SCAF4: variants seen among roughly 807,000 people sequenced by gnomAD.
SCAF4 encodes the protein SR-related CTD associated factor 4, also known as SR-related and CTD-associated factor 4.
In SCAF4, 25 loss-of-function variants were observed where a neutral mutation model predicts 129.8. That is an observed-to-expected ratio of 0.19 (90% CI 0.14 to 0.27). The LOEUF (loss-of-function observed/expected upper bound fraction) is 0.27, where lower values mean the gene tolerates loss of function less well. SCAF4 is among the 10% of genes least tolerant of loss of function. The pLI is 1.00. For synonymous variants in SCAF4, 551 were observed against 497.7 expected, an observed-to-expected ratio of 1.11 and a Z score of -1.43; for missense variants, 1,246 against 1,457.1, an observed-to-expected ratio of 0.86 and a Z score of 2.36.
At position 31,685,392 on chromosome 21, in the gene SCAF4, G is replaced by A; in HGVS notation, c.2296+6C>T. The A allele has an allele frequency of 1.9e-6, 3 of 1,604,542 alleles. No homozygotes were observed. Among genetic ancestry groups the A allele is most frequent in the Non-Finnish European group, 2.6e-6 (3 of 1,174,944 alleles). ...TAAGCAAACACAAAGAAAAAAACAT[G>A]CTTACAGTTTGGGATGCTTATTGGT... is the stretch of plus-strand genomic sequence containing the variant. On this transcript the variant is annotated splice_donor_region_variant and intron_variant, in intron 18 of 19. Coordinates refer to ENST00000286835, the MANE Select transcript of SCAF4 (RefSeq NM_020706.2).
At chr21:31,694,022 T>C (rs1198428069) in intron 11 of SCAF4, among the ~76,000 whole-genome samples, 182 bp downstream of exon 11, 1 of 152,058 alleles carries the variant, frequency 6.6e-6, no homozygotes, top group Admixed American at 6.6e-5. Context: ...GTAAGATGAA[T>C]GATGTAGTTT....
rs773959493 is a variant in SCAF4, at chr21:31,671,820, C to A, written c.3023G>T (p.Arg1008Met). The change falls in exon 20 of 20, where the codon AGG becomes ATG. Residue 1008 changes from arginine (R) to methionine (M), a missense_variant. Arg to Met is a moderately conservative substitution (Grantham distance 91, BLOSUM62 -1). Around this residue, in one of 6 missense-constraint regions of SCAF4, gnomAD observed 339 missense variants for 325.0 expected, o/e 1.04. Coordinates refer to ENST00000286835, the MANE Select transcript of SCAF4 (RefSeq NM_020706.2). ...ERFGRRSFGN[R>M]VENDRERYGN... ...ATACCGTTCCCGGTCATTTTCCACC[C>A]TATTTCCAAAAGATCTTCTTCCAAA... 8 of 1,614,058 alleles carry A rather than the reference C, an allele frequency of 5.0e-6. No homozygotes were observed. The highest frequency in any genetic ancestry group is 6.8e-6 in the Non-Finnish European group (8 of 1,180,018).
chr21:31,707,860 T>C (rs769973300), intron 1 of SCAF4, among the ~76,000 whole-genome samples: 1 of 152,204 alleles, frequency 6.6e-6, no homozygotes, highest in African/African-American at 2.4e-5. Context: ...AGAAAAGGCA[T>C]GGAATGCCAA....
chr21:31,703,816 T>C lies in SCAF4; in HGVS notation c.270A>G (p.Lys90=), dbSNP rs941902117. 2 of 1,596,404 alleles carry C rather than the reference T, an allele frequency of 1.3e-6. No homozygotes were observed. The highest frequency in any genetic ancestry group is 1.7e-5 in the Admixed American group (1 of 59,950). ...AATATTGGAATGTGGCAGTTATGTT[T>C]TTAGAGAATCTTGGCCCAAAAACAT... The part of the protein sequence containing the change: ...DKDVFGPRFS[K]NITATFQYLY... The change falls in exon 4 of 20, where the codon AAA becomes AAG. Residue 90 remains lysine, a synonymous_variant. Coordinates refer to ENST00000286835, the MANE Select transcript of SCAF4 (RefSeq NM_020706.2).
intron 19 of SCAF4, among the ~76,000 whole-genome samples, chr21:31,676,023 G>C (rs1016564043): frequency 6.6e-6 from 1 of 152,188 alleles, no homozygotes; most frequent in African/African-American, 2.4e-5. Context: ...CAGAGTGTAC[G>C]CAGTCAGGGA....
At chr21:31,730,203 T>A (rs1326034393) in intron 1 of SCAF4, among the ~76,000 whole-genome samples, 2 of 152,206 alleles carry the variant, frequency 1.3e-5, no homozygotes, top group Non-Finnish European at 2.9e-5. Flanking sequence ...GGAGCCAACA[T>A]GCCAGTGAAT....
At chr21:31,720,765 T>C (rs1441537079) in intron 1 of SCAF4, among the ~76,000 whole-genome samples, 1 of 152,238 alleles carries the variant, frequency 6.6e-6, no homozygotes, top group Non-Finnish European at 1.5e-5. Context: ...ATTCTTTTCT[T>C]GTCCTTCCCT....
At position 31,699,300 on chromosome 21, in the gene SCAF4, C is replaced by G. The variant is rs374261096; in HGVS notation, c.777+1695G>C. 3.9e-4 allele frequency among the ~76,000 whole-genome samples: 59 copies of G among 152,120 alleles called. 2 individuals are homozygous for G. The South Asian group carries it at 0.012, about 31-fold the overall frequency. The stretch of plus-strand genomic sequence containing the variant: ...ACTGAACAGACAATCATAAAAAAAA[C>G]CTTACTAGAATATAGAAATCTTTTC... On this transcript the variant is annotated intron_variant, in intron 7 of 19. Transcript: ENST00000286835.
chr21:31,729,326 C>T (rs540434931), intron 1 of SCAF4, among the ~76,000 whole-genome samples: 1 of 152,348 alleles, frequency 6.6e-6, no homozygotes, highest in East Asian at 1.9e-4. Flanking sequence ...GATACCTGCT[C>T]CTCTTCCCAA....
chr21:31,728,795 C>T (rs1413357111), intron 1 of SCAF4, among the ~76,000 whole-genome samples: 1 of 152,074 alleles, frequency 6.6e-6, no homozygotes, highest in Non-Finnish European at 1.5e-5. Flanking sequence ...GTCCTATAAG[C>T]CCAACTACTT....
chr21:31,697,703 G>C (rs923454600), intron 7 of SCAF4, among the ~76,000 whole-genome samples: 1 of 152,212 alleles, frequency 6.6e-6, no homozygotes, highest in Non-Finnish European at 1.5e-5. Flanking sequence ...TCTGCCTAGA[G>C]ATTCTGGTTT....
At chr21:31,707,247 G>A (rs1440614116) in intron 1 of SCAF4, among the ~76,000 whole-genome samples, 1 of 152,148 alleles carries the variant, frequency 6.6e-6, no homozygotes, top group African/African-American at 2.4e-5. Context: ...CAGCTACTCA[G>A]GAGGCTGAGG....
At chr21:31,726,249 G>A (rs1466417933) in intron 1 of SCAF4, among the ~76,000 whole-genome samples, 1 of 152,110 alleles carries the variant, frequency 6.6e-6, no homozygotes, top group Non-Finnish European at 1.5e-5. Context: ...GTTTCACCGT[G>A]TTAGCCAGAA....
chr21:31,703,231 T>A (rs1342954511), intron 4 of SCAF4, among the ~76,000 whole-genome samples: 3 of 152,140 alleles, frequency 2.0e-5, no homozygotes, highest in Non-Finnish European at 4.4e-5. Context: ...CTGCACAATT[T>A]CTTCCTTACT....
intron 1 of SCAF4, among the ~76,000 whole-genome samples, chr21:31,710,236 G>C (rs2050767632): frequency 6.6e-6 from 1 of 152,088 alleles, no homozygotes; most frequent in African/African-American, 2.4e-5. Context: ...AAGGAGCCTG[G>C]AGTAAGAAGG....
At chr21:31,701,277 C>T (rs1169226402) in intron 6 of SCAF4, 106 bp from the exon 7 acceptor site, 2 of 960,764 alleles carry the variant, frequency 2.1e-6, no homozygotes, top group South Asian at 2.5e-5. Context: ...GTAGCATAGG[C>T]ACAGAACAAA....
intron 3 of SCAF4, among the ~76,000 whole-genome samples, chr21:31,704,223 C>T (rs1892394360): frequency 6.6e-6 from 1 of 152,070 alleles, no homozygotes; most frequent in Non-Finnish European, 1.5e-5. Context: ...AAGCCAGTTC[C>T]ATATAAATTC....
chr21:31,671,292 T>G lies in SCAF4; in HGVS notation c.*107A>C. 1 of 1,272,772 alleles carries G rather than the reference T, an allele frequency of 7.9e-7. No homozygotes were observed. Among genetic ancestry groups the G allele is most frequent in the Non-Finnish European group, 1.1e-6 (1 of 948,380 alleles). The allele number at this position is 1,272,772 out of a possible 1,614,324, so 78.8% of individuals were successfully genotyped here. A position where few individuals can be genotyped will look rare whatever the true frequency, so the allele number is the denominator to read the frequency against. On this transcript the variant is annotated 3_prime_UTR_variant, in exon 20 of 20. Transcript: ENST00000286835. ...AAATTGCTTACAGTTCCCCACCAGC[T>G]GGCGCGGGGCTGCAGTACAGCGGGA...
intron 1 of SCAF4, among the ~76,000 whole-genome samples, chr21:31,717,904 TACACACACACACACACACACACAC>T (rs35191665): frequency 2.5e-5 from 3 of 117,946 alleles, no homozygotes; most frequent in African/African-American, 3.5e-5. Context: ...TACACATATA[TACACACACACACACACACACACAC>T]ACACACACAC....
Sources: allele counts gnomAD v4.1 joint callset (sites outside exome capture counted in the v4.1 genomes callset), GRCh38; gene constraint gnomAD v4.1.1; regional missense constraint gnomAD v4.1.1; transcripts MANE v1.5; gene names NCBI Gene and HGNC (gene_info 2026-07-23, HGNC 2026-07-21).